NEDD9: variants seen among roughly 807,000 people sequenced by gnomAD.
The protein encoded by NEDD9 is neural precursor cell expressed, developmentally down-regulated 9, also known as enhancer of filamentation 1.
NEDD9 carries 26 observed loss-of-function variants against 76.6 expected under a neutral mutation model. That is an observed-to-expected ratio of 0.34 (90% CI 0.25 to 0.47). The LOEUF is 0.47. Among genes scored for constraint, NEDD9 ranks in the 20% least tolerant of loss-of-function variants. The probability of loss-of-function intolerance (pLI) is 1.00; values close to 1 mark genes in which losing one functional copy is unlikely to be tolerated. For synonymous variants in NEDD9, 392 were observed against 414.2 expected (o/e 0.95, Z 0.65); for missense variants, 937 against 1,058.5 (o/e 0.89, Z 1.59).
intron 3 of NEDD9, among the ~76,000 whole-genome samples, chr6:11,285,639 T>A (rs1760632075): frequency 6.6e-6 from 1 of 152,172 alleles, no homozygotes; most frequent in African/African-American, 2.4e-5. Flanking sequence ...AAAACTATAC[T>A]AATCAAGACA....
upstream of NEDD9, among the ~76,000 whole-genome samples, chr6:11,236,438 G>A (rs535855162): frequency 6.6e-6 from 1 of 152,214 alleles, no homozygotes; most frequent in Non-Finnish European, 1.5e-5. The surrounding 1 kb of genome is among the most constrained non-coding windows in gnomAD (Gnocchi z 5.5). Flanking sequence ...TCAAGAGGAG[G>A]CTAGAAAGAA....
intron 3 of NEDD9, among the ~76,000 whole-genome samples, chr6:11,261,401 A>G (rs1760111428): frequency 6.6e-6 from 1 of 152,228 alleles, no homozygotes; most frequent in Admixed American, 6.5e-5. Flanking sequence ...TTCTTAGTGT[A>G]TGTTAAAATC....
At chr6:11,235,838 A>C (rs543035377), upstream of NEDD9, among the ~76,000 whole-genome samples, 12 of 151,976 alleles carry the variant, frequency 7.9e-5, no homozygotes, top group Non-Finnish European at 1.3e-4. The surrounding 1 kb of genome is among the most constrained non-coding windows in gnomAD (Gnocchi z 4.1). Context: ...CTGGATGGAG[A>C]GGATGAGCTC....
At chr6:11,270,507 A>G (rs1760281425) in intron 3 of NEDD9, among the ~76,000 whole-genome samples, 2 of 152,132 alleles carry the variant, frequency 1.3e-5, no homozygotes, top group South Asian at 4.1e-4. Flanking sequence ...CACTTTTATG[A>G]CAGCTGGAGA....
At chr6:11,193,070 C>T (rs1032325676) in intron 3 of NEDD9, among the ~76,000 whole-genome samples, 5 of 151,254 alleles carry the variant, frequency 3.3e-5, no homozygotes, top group African/African-American at 7.3e-5. Context: ...TTTGGAAGGC[C>T]GAGGTGGGCA....
chr6:11,213,610 A>T lies in NEDD9; in HGVS notation c.130T>A (p.Trp44Arg). ...TGCCGACCGTGTAATGAGCACAGCC[A>T]CCATCCTTCCAGTCCCCCTGTGTTC... ...EQNTGGLEGW[W>R]LCSLHGRQGI... The change falls in exon 2 of 7, where the codon TGG becomes AGG. Residue 44 changes from tryptophan (W) to arginine (R), a missense_variant. Coordinates refer to ENST00000379446, the MANE Select transcript of NEDD9 (RefSeq NM_006403.4). The surrounding 1 kb of genome is among the most constrained non-coding windows in gnomAD (Gnocchi z 5.4). The T allele has an allele frequency of 6.2e-7, 1 of 1,614,170 alleles. No individual in the cohort carries two copies. The highest frequency in any genetic ancestry group is 8.5e-7 in the Non-Finnish European group (1 of 1,180,034).
At chr6:11,307,254 G>A (rs890512475) in intron 2 of NEDD9, among the ~76,000 whole-genome samples, 1 of 152,140 alleles carries the variant, frequency 6.6e-6, no homozygotes, top group African/African-American at 2.4e-5. Flanking sequence ...ATTGGGAGTT[G>A]GTCTCCTTTC....
chr6:11,308,639 G>T (rs902685114), intron 2 of NEDD9, among the ~76,000 whole-genome samples: 1 of 152,010 alleles, frequency 6.6e-6, no homozygotes, highest in African/African-American at 2.4e-5. Context: ...AAAGTGCTGG[G>T]ATTACAGGCG....
intron 2 of NEDD9, among the ~76,000 whole-genome samples, chr6:11,309,482 A>C (rs1345981211): frequency 6.6e-6 from 1 of 152,120 alleles, no homozygotes; most frequent in Non-Finnish European, 1.5e-5. Flanking sequence ...GGCTGCCTCA[A>C]GGGATTCTCT....
At chr6:11,306,939 GGT>G (rs1761202158) in intron 2 of NEDD9, among the ~76,000 whole-genome samples, 1 of 152,144 alleles carries the variant, frequency 6.6e-6, no homozygotes, top group African/African-American at 2.4e-5. Flanking sequence ...GTTTTGAGAT[GGT>G]GTGTGTGTAT....
intron 3 of NEDD9, among the ~76,000 whole-genome samples, chr6:11,297,043 T>A (rs1760915441): frequency 6.6e-6 from 1 of 152,008 alleles, no homozygotes; most frequent in Admixed American, 6.5e-5. Flanking sequence ...TGGCTTTTTT[T>A]CTTTAGATAA....
At chr6:11,362,799 T>C (rs1460095392) in intron 1 of NEDD9, among the ~76,000 whole-genome samples, 2 of 152,230 alleles carry the variant, frequency 1.3e-5, no homozygotes, top group African/African-American at 4.8e-5. Flanking sequence ...AGACCTTTAA[T>C]AAACAGTCAC....
At chr6:11,265,500 C>G (rs1479607913) in intron 3 of NEDD9, among the ~76,000 whole-genome samples, 2 of 152,168 alleles carry the variant, frequency 1.3e-5, no homozygotes, top group South Asian at 2.1e-4. Flanking sequence ...GCACTTTTCT[C>G]TATCCTGAAA....
chr6:11,348,699 G>A (rs1415872897), intron 1 of NEDD9, among the ~76,000 whole-genome samples: 3 of 152,188 alleles, frequency 2.0e-5, no homozygotes, highest in African/African-American at 7.2e-5. Flanking sequence ...CAATAATGGT[G>A]CTGGAATAAC....
chr6:11,325,564 A>G (rs1761908635), intron 2 of NEDD9, among the ~76,000 whole-genome samples: 1 of 152,216 alleles, frequency 6.6e-6, no homozygotes, highest in Non-Finnish European at 1.5e-5. Flanking sequence ...CATGCTAACA[A>G]TTTAAAATTT....
At chr6:11,266,874 G>T (rs1187884225) in intron 3 of NEDD9, among the ~76,000 whole-genome samples, 2 of 152,230 alleles carry the variant, frequency 1.3e-5, no homozygotes, top group African/African-American at 4.8e-5. Flanking sequence ...AGAAGTTAAT[G>T]CAAGAAGACT....
chr6:11,351,436 G>C (rs952214543), intron 1 of NEDD9, among the ~76,000 whole-genome samples: 15 of 152,260 alleles, frequency 9.9e-5, no homozygotes, highest in African/African-American at 3.6e-4. Context: ...ATTGGCATTT[G>C]AGAAAACAGC....
chr6:11,358,184 G>A (rs979597796), intron 1 of NEDD9, among the ~76,000 whole-genome samples: 29 of 150,242 alleles, frequency 1.9e-4, no homozygotes, highest in African/African-American at 5.6e-4. Flanking sequence ...GGAAGGCGGA[G>A]GTTGCAGTGA....
chr6:11,247,502 A>G (rs1759834164), intron 3 of NEDD9, among the ~76,000 whole-genome samples: 1 of 152,184 alleles, frequency 6.6e-6, no homozygotes, highest in Admixed American at 6.5e-5. Context: ...GTTTTATAGG[A>G]TAGTCACAGA....
Sources: allele counts gnomAD v4.1 joint callset (sites outside exome capture counted in the v4.1 genomes callset), GRCh38; gene constraint gnomAD v4.1.1; non-coding constraint Gnocchi (gnomAD v3.1); transcripts MANE v1.5; gene names NCBI Gene and HGNC (gene_info 2026-07-23, HGNC 2026-07-21).